Variants in ACOT7 observed in about 807,000 individuals in gnomAD.
ACOT7 encodes the protein cytosolic acyl coenzyme A thioester hydrolase.
Under a neutral mutation model 40.2 loss-of-function variants are expected in ACOT7, and 12 were observed. The ratio of observed to expected loss-of-function variants is 0.30; its 90% confidence interval spans 0.19 to 0.48. The LOEUF is 0.48. Ranked by LOEUF, ACOT7 falls within the 20% of genes least tolerant of loss-of-function variation. ACOT7 has a pLI of 0.99. For synonymous variants in ACOT7, 228 were observed against 219.5 expected (o/e 1.04, Z -0.34); for missense variants, 395 against 530.8 (o/e 0.74, Z 2.51).
chr1:6,298,497 T>C (rs1034729583), intron 6 of ACOT7, among the ~76,000 whole-genome samples: 5 of 152,160 alleles, frequency 3.3e-5, no homozygotes, highest in African/African-American at 9.7e-5. Flanking sequence ...CTAAGTCACA[T>C]GGAGGTCCGA....
chr1:6,300,036 T>C (rs1251326017), intron 6 of ACOT7, among the ~76,000 whole-genome samples: 2 of 152,198 alleles, frequency 1.3e-5, no homozygotes, highest in Non-Finnish European at 1.5e-5. Context: ...GGAATGACGA[T>C]GAGCCAGCAG....
At chr1:6,325,348 A>G (rs1337227605) in intron 5 of ACOT7, among the ~76,000 whole-genome samples, 1 of 151,738 alleles carries the variant, frequency 6.6e-6, no homozygotes, top group African/African-American at 2.4e-5. Flanking sequence ...CAGTGAGCTG[A>G]GATCGCGCCA....
intron 1 of ACOT7, among the ~76,000 whole-genome samples, chr1:6,391,493 G>A (rs551844841): frequency 9.2e-5 from 14 of 152,332 alleles, no homozygotes; most frequent in African/African-American, 3.4e-4. Context: ...GTGACAGAGT[G>A]AGACTCTGTC....
chr1:6,380,413 CA>C (rs1642312676), intron 1 of ACOT7, among the ~76,000 whole-genome samples: 1 of 151,380 alleles, frequency 6.6e-6, no homozygotes, highest in Non-Finnish European at 1.5e-5. Context: ...GCCTGACCGA[CA>C]TGGTGAAACC....
At chr1:6,323,731 AAAAAAAATATAT>A (rs1162020534) in intron 5 of ACOT7, among the ~76,000 whole-genome samples, 8 of 90,130 alleles carry the variant, frequency 8.9e-5, no homozygotes, top group Admixed American at 2.1e-4. Context: ...AAAAAAAAAA[AAAAAAAATATAT>A]ATATATATAT....
In ACOT7 at chr1:6,339,597, G is replaced by T. The variant is rs766497148; in HGVS notation, c.262-8C>A. 6.2e-7 allele frequency: 1 copy of T among 1,610,430 alleles called. No individual in the cohort carries two copies. Among genetic ancestry groups the T allele is most frequent in the Admixed American group, 1.7e-5 (1 of 59,982 alleles). ...GGCGGCCACACAGCGCTCCTGTGGAGACAGAGGCAGTTGTCAGCCCAGGTC... is the reference window on the plus strand; with the variant it reads ...GGCGGCCACACAGCGCTCCTGTGGATACAGAGGCAGTTGTCAGCCCAGGTC... On this transcript the variant is annotated splice_polypyrimidine_tract_variant and splice_region_variant and intron_variant, in intron 2 of 8. Transcript: ENST00000361521.
At chr1:6,367,712 C>G (rs1038455569) in intron 1 of ACOT7, among the ~76,000 whole-genome samples, 2 of 152,216 alleles carry the variant, frequency 1.3e-5, no homozygotes, top group Admixed American at 6.5e-5. Flanking sequence ...ACTCAGGGAG[C>G]TCCCAGGTCT....
In ACOT7 at chr1:6,264,387, G is replaced by A. The variant is rs1429105586; in HGVS notation, c.*210C>T. Reference sequence around the variant, plus strand: ...GCCTCCCGGCGCTCGGGACAACACTGTGTAGCATTGATACTGGAATGATAT... The same window carrying A: ...GCCTCCCGGCGCTCGGGACAACACTATGTAGCATTGATACTGGAATGATAT... On this transcript the variant is annotated 3_prime_UTR_variant, in exon 9 of 9. Coordinates refer to ENST00000361521, the MANE Select transcript of ACOT7 (RefSeq NM_007274.4). The A allele has an allele frequency of 2.0e-5, 12 of 590,086 alleles. No individual in the cohort carries two copies. Among genetic ancestry groups the A allele is most frequent in the Non-Finnish European group, 3.6e-5 (12 of 334,806 alleles). 36.6% of individuals were successfully genotyped at this position (590,086 alleles called of 1,614,324 possible). A position where few individuals can be genotyped will look rare whatever the true frequency, so the allele number is the denominator to read the frequency against.
intron 6 of ACOT7, among the ~76,000 whole-genome samples, chr1:6,304,672 G>C (rs1571288943): frequency 1.5e-5 from 2 of 133,404 alleles, no homozygotes; most frequent in South Asian, 5.2e-4. Context: ...TTAACCCTGA[G>C]TGGACACAGC....
chr1:6,359,708 G>A lies in ACOT7; in HGVS notation c.144-9842C>T, dbSNP rs544152146. Among the ~76,000 whole-genome samples, 1 of 152,302 alleles carries A rather than the reference G, an allele frequency of 6.6e-6. No individual in the cohort carries two copies. Among genetic ancestry groups the A allele is most frequent in the African/African-American group, 2.4e-5 (1 of 41,562 alleles). On this transcript the variant is annotated intron_variant, in intron 1 of 8. Coordinates refer to ENST00000361521, the MANE Select transcript of ACOT7 (RefSeq NM_007274.4). This position sits in a 1 kb window ranked among gnomAD's most constrained non-coding sequence, Gnocchi z 4.1. ...CTACAGGAGGCCCAGTGCAGGAGGC[G>A]GGATGTGTTATCACCACAACCTCCC... is the stretch of plus-strand genomic sequence containing the variant.
intron 8 of ACOT7, among the ~76,000 whole-genome samples, chr1:6,271,838 G>A (rs1314881092): frequency 1.3e-5 from 2 of 152,278 alleles, no homozygotes; most frequent in Non-Finnish European, 2.9e-5. Flanking sequence ...CCCAAGTGGG[G>A]CCAAGAAAGG....
rs1220270904 is a variant in ACOT7, at chr1:6,281,083, T to C, written c.1014+19A>G. The C allele has an allele frequency of 1.9e-6, 3 of 1,610,800 alleles. No homozygotes were observed. Among genetic ancestry groups the C allele is most frequent in the Non-Finnish European group, 2.5e-6 (3 of 1,179,612 alleles). On this transcript the variant is annotated intron_variant, in intron 8 of 8. Transcript: ENST00000361521. ...CTGCCTGGCAGGGAGGGGCCGCCGTTCCAAGGATGCGCACTCACCACCAGC... is the reference window on the plus strand; with the variant it reads ...CTGCCTGGCAGGGAGGGGCCGCCGTCCCAAGGATGCGCACTCACCACCAGC...
At position 6,282,938 on chromosome 1, in the gene ACOT7, C is replaced by T. The variant is rs1346873979; in HGVS notation, c.830-1652G>A. 1 of 502,158 alleles carries T rather than the reference C, an allele frequency of 2.0e-6. No homozygotes were observed. Among genetic ancestry groups the T allele is most frequent in the Non-Finnish European group, 3.9e-6 (1 of 256,148 alleles). The allele number at this position is 502,158 out of a possible 1,614,324, so 31.1% of individuals were successfully genotyped here. A position where few individuals can be genotyped will look rare whatever the true frequency, so the allele number is the denominator to read the frequency against. ...TGAGGGTCTCCCAGCATCTCTGCCT[C>T]CTTCCTCACAATGCCCAGCCCACAT... On this transcript the variant is annotated intron_variant, in intron 7 of 8. Transcript: ENST00000361521. This position sits in a 1 kb window ranked among gnomAD's most constrained non-coding sequence, Gnocchi z 4.5.
At chr1:6,354,942 T>C (rs1641701949) in intron 1 of ACOT7, among the ~76,000 whole-genome samples, 1 of 151,602 alleles carries the variant, frequency 6.6e-6, no homozygotes, top group Non-Finnish European at 1.5e-5. Context: ...CAGGACCAAG[T>C]CACTCCCTTA....
chr1:6,282,254 G>A lies in ACOT7; in HGVS notation c.830-968C>T, dbSNP rs935563098. Among the ~76,000 whole-genome samples, 3 of 152,138 alleles carry A rather than the reference G, an allele frequency of 2.0e-5. No individual in the cohort carries two copies. Among genetic ancestry groups the A allele is most frequent in the African/African-American group, 7.2e-5 (3 of 41,430 alleles). On this transcript the variant is annotated intron_variant, in intron 7 of 8. Coordinates refer to ENST00000361521, the MANE Select transcript of ACOT7 (RefSeq NM_007274.4). This position sits in a 1 kb window ranked among gnomAD's most constrained non-coding sequence, Gnocchi z 4.5. The stretch of plus-strand genomic sequence containing the variant: ...GGAGCTCAGCTCTTCCCTATAGGCA[G>A]GCATGAGACACCCTGCCTGGGGGAT...
Position 6,381,691 on chromosome 1 carries a change from C to A in ACOT7, c.143+11566G>T, listed in dbSNP as rs72633444. Reference sequence around the variant, plus strand: ...AGCAATTCCACTTCTGGGAATATATCCTAAAGAACTAAAAACGGGGTCTCT... The same window carrying A: ...AGCAATTCCACTTCTGGGAATATATACTAAAGAACTAAAAACGGGGTCTCT... On this transcript the variant is annotated intron_variant, in intron 1 of 8. Transcript: ENST00000361521. Among the ~76,000 whole-genome samples, 1,332 of 151,442 alleles carry A rather than the reference C, an allele frequency of 8.8e-3. 38 individuals are homozygous for A. Among genetic ancestry groups the A allele is most frequent in the South Asian group, 0.02 (96 of 4,722 alleles).
At chr1:6,346,971 A>C (rs1187857554) in intron 2 of ACOT7, among the ~76,000 whole-genome samples, 1 of 152,208 alleles carries the variant, frequency 6.6e-6, no homozygotes, top group Non-Finnish European at 1.5e-5. Flanking sequence ...AGCCTGGGGC[A>C]AGGACAGGAG....
chr1:6,317,746 T>C (rs985563636), intron 6 of ACOT7, among the ~76,000 whole-genome samples: 55 of 144,964 alleles, frequency 3.8e-4, no homozygotes, highest in Non-Finnish European at 5.4e-4. Context: ...TTTTTTTTTT[T>C]CTTGAGACGG....
rs149884699 is a variant in ACOT7 at position 6,344,082 on chromosome 1, G to C, written c.262-4493C>G. ...CAGGTGTTAGGCAGGAGGAGGTAGGGGGAGCGTTGGTACCACAGGGAGAGG... is the reference window on the plus strand; with the variant it reads ...CAGGTGTTAGGCAGGAGGAGGTAGGCGGAGCGTTGGTACCACAGGGAGAGG... On this transcript the variant is annotated intron_variant, in intron 2 of 8. Coordinates refer to ENST00000361521, the MANE Select transcript of ACOT7 (RefSeq NM_007274.4). Among the ~76,000 whole-genome samples the C allele has an allele frequency of 4.0e-3, 613 of 152,328 alleles. 4 individuals carry two copies. The highest frequency in any genetic ancestry group is 0.014 in the African/African-American group (590 of 41,574).
Sources: allele counts gnomAD v4.1 joint callset (sites outside exome capture counted in the v4.1 genomes callset), GRCh38; gene constraint gnomAD v4.1.1; non-coding constraint Gnocchi (gnomAD v3.1); transcripts MANE v1.5; gene names NCBI Gene and HGNC (gene_info 2026-07-23, HGNC 2026-07-21).